Variants in ZNF208 observed in about 807,000 individuals in gnomAD.
ZNF208 encodes zinc finger protein 95.
A neutral mutation model predicts 12.1 loss-of-function variants in ZNF208; 10 were observed. The ratio of observed to expected loss-of-function variants is 0.83; its 90% confidence interval spans 0.51 to 1.40. The LOEUF is 1.40. ZNF208 is among the 40% of genes most tolerant of loss of function. ZNF208 has a pLI of 0.00. For synonymous variants in ZNF208, 497 were observed against 488.4 expected (o/e 1.02, Z -0.23); for missense variants, 1,652 against 1,485.0 (o/e 1.11, Z -1.85).
At chr19:21,962,566 T>C (rs1970091415), downstream of ZNF208, among the ~76,000 whole-genome samples, 1 of 152,128 alleles carries the variant, frequency 6.6e-6, no homozygotes, top group Non-Finnish European at 1.5e-5. Context: ...TCTATCTGCA[T>C]TCTCTTTCTT....
At position 21,974,781 on chromosome 19, in the gene ZNF208, G is replaced by C. The variant is rs1970397796; in HGVS notation, c.253C>G (p.Leu85Val). ...TCTTCTATGCCCTGCTCTGGCCAAA[G>C]ATCTTGAGCAAAATGAGAACATATA... ...PVICSHFAQD[L>V]WPEQGIEDSF... The change falls in exon 4 of 4, where the codon CTT becomes GTT. Residue 85 changes from leucine (L) to valine (V), a missense_variant. Transcript: ENST00000397126. 2 of 1,570,230 alleles carry C rather than the reference G, an allele frequency of 1.3e-6. No individual in the cohort carries two copies.
chr19:22,003,506 C>CA (rs35616569), intron 1 of ZNF208, among the ~76,000 whole-genome samples: 87,285 of 147,766 alleles, frequency 0.59, 25,897 homozygotes, highest in East Asian at 0.68. Flanking sequence ...AAAAGAAGAC[C>CA]AAAAAAAAAC....
chr19:21,969,167 T>C lies in ZNF208; in HGVS notation c.*2024A>G, dbSNP rs918888260. ...TTTTAGTAAACATGTTTAGTAAACA[T>C]TTCTTTTTAGTTCCACTATGTTGGC... On this transcript the variant is annotated 3_prime_UTR_variant, in exon 4 of 4. Transcript: ENST00000397126. 6.6e-6 allele frequency among the ~76,000 whole-genome samples: 1 copy of C among 152,158 alleles called. No homozygotes were observed. Among genetic ancestry groups the C allele is most frequent in the Non-Finnish European group, 1.5e-5 (1 of 68,020 alleles).
intron 3 of ZNF208, chr19:21,986,702 A>G (rs1970633401): frequency 4.5e-6 from 1 of 219,920 alleles, no homozygotes; most frequent in Non-Finnish European, 8.8e-6. Flanking sequence ...AATCTTGAAG[A>G]AAAAGAAAAA....
rs746877482 is a variant in ZNF208 at position 21,974,647 on chromosome 19, A to G, written c.387T>C (p.Gly129=). Residue 129 remains glycine (G), a synonymous_variant, in exon 4 of 4, where the codon GGT becomes GGC. Transcript: ENST00000397126. ...TCAAACTCTGGTTAAGTTTATTATA[A>G]CCTTCTTTGTGCACCTTACACTCAT... The part of the protein sequence containing the change: ...NVDECKVHKE[G]YNKLNQSLTT... 12 of 1,613,708 alleles carry G rather than the reference A, an allele frequency of 7.4e-6. No homozygotes were observed. Among genetic ancestry groups the G allele is most frequent in the Non-Finnish European group, 4.2e-6 (5 of 1,179,774 alleles).
chr19:21,972,120 G>C lies in ZNF208; in HGVS notation c.2914C>G (p.Pro972Ala). The C allele has an allele frequency of 6.2e-7, 1 of 1,609,804 alleles. No individual in the cohort carries two copies. Among genetic ancestry groups the C allele is most frequent in the Non-Finnish European group, 8.5e-7 (1 of 1,177,472 alleles). The change falls in exon 4 of 4, where the codon CCT becomes GCT. Residue 972 changes from proline to alanine, a missense_variant. Pro to Ala is a conservative substitution (Grantham distance 27). Coordinates refer to ENST00000397126, the MANE Select transcript of ZNF208 (RefSeq NM_007153.3). ...TTGCCACATTCTTCATATTTGTAAG[G>C]TTTCTCTTCAGTATGAATTTTCTTA... ...YHKKIHTEEKPYKYEECGKGF... is the reference protein window; with the variant it reads ...YHKKIHTEEKAYKYEECGKGF...
intron 4 of ZNF208, among the ~76,000 whole-genome samples, chr19:21,946,177 T>TA (rs1969813387): frequency 6.6e-6 from 1 of 152,218 alleles, no homozygotes; most frequent in Admixed American, 6.5e-5. Flanking sequence ...TTTTCTTTTT[T>TA]AACTGTGAGT....
chr19:21,986,218 CAAAT>C (rs1057063469), intron 3 of ZNF208, among the ~76,000 whole-genome samples: 15 of 151,958 alleles, frequency 9.9e-5, no homozygotes, highest in African/African-American at 2.7e-4. Flanking sequence ...AAATTGAAGA[CAAAT>C]AAGTAAAACA....
intron 4 of ZNF208, chr19:21,941,322 AAG>A: frequency 2.5e-6 from 1 of 398,852 alleles, no homozygotes; most frequent in Non-Finnish European, 4.4e-6. Flanking sequence ...TCATGATAGA[AAG>A]AGTTGATGAG....
In ZNF208 at chr19:21,974,549, C is replaced by G; in HGVS notation, c.485G>C (p.Arg162Thr). The change falls in exon 4 of 4, where the codon AGA becomes ACA. Residue 162 changes from arginine to threonine, a missense_variant. Around this residue, in one of 3 missense-constraint regions of ZNF208, gnomAD observed 410 missense variants for 378.2 expected, o/e 1.08. Transcript: ENST00000397126. ...NVFHKCSNSNRHKIRHTGKKH... is the reference protein window; with the variant it reads ...NVFHKCSNSNTHKIRHTGKKH... Reference sequence around the variant, plus strand: ...CTTTCCAGTATGCCTTATCTTATGTCTGTTTGAATTTGAACATTTATGAAA... The same window carrying G: ...CTTTCCAGTATGCCTTATCTTATGTGTGTTTGAATTTGAACATTTATGAAA... 6.2e-7 allele frequency: 1 copy of G among 1,613,588 alleles called. No individual in the cohort carries two copies. The highest frequency in any genetic ancestry group is 8.5e-7 in the Non-Finnish European group (1 of 1,179,690).
In ZNF208 at chr19:21,973,256, G is replaced by A. The variant is rs1207183307; in HGVS notation, c.1778C>T (p.Ser593Phe). 1.9e-6 allele frequency: 3 copies of A among 1,612,092 alleles called. No homozygotes were observed. Among genetic ancestry groups the A allele is most frequent in the Non-Finnish European group, 2.5e-6 (3 of 1,179,604 alleles). ...TCTCTTATGTTTAATAAGAATTGCA[G>A]ATTGGTTAAAAGCTTTGCCACATTC... ...CEECGKAFNQ[S>F]AILIKHKRIH... The change falls in exon 4 of 4, where the codon TCT becomes TTT. Residue 593 changes from serine to phenylalanine, a missense_variant. Transcript: ENST00000397126.
In ZNF208 at chr19:21,973,849, T is replaced by C. The variant is rs1400268676; in HGVS notation, c.1185A>G (p.Lys395=). Residue 395 remains lysine (K), a synonymous_variant, in exon 4 of 4, where the codon AAA becomes AAG. Transcript: ENST00000397126. The part of the protein sequence containing the change: ...SYHKKIHTGE[K]PYKCEECGKG... Reference sequence around the variant, plus strand: ...TGCCACATTCTTCACATTTGTAGGGTTTCTCTCCAGTATGAATTTTCTTAT... The same window carrying C: ...TGCCACATTCTTCACATTTGTAGGGCTTCTCTCCAGTATGAATTTTCTTAT... The C allele has an allele frequency of 3.1e-6, 5 of 1,613,052 alleles. No homozygotes were observed. Among genetic ancestry groups the C allele is most frequent in the Non-Finnish European group, 4.2e-6 (5 of 1,179,804 alleles).
chr19:21,950,174 A>G (rs1969868909), intron 4 of ZNF208, among the ~76,000 whole-genome samples: 1 of 152,218 alleles, frequency 6.6e-6, no homozygotes, highest in Non-Finnish European at 1.5e-5. Flanking sequence ...CTATAAGTAT[A>G]TTCAGAAAGC....
At position 21,973,220 on chromosome 19, in the gene ZNF208, C is replaced by G; in HGVS notation, c.1814G>C (p.Gly605Ala). 6.2e-7 allele frequency: 1 copy of G among 1,613,386 alleles called. No individual in the cohort carries two copies. The highest frequency in any genetic ancestry group is 8.5e-7 in the Non-Finnish European group (1 of 1,179,852). ...ILIKHKRIHTGEKPYKCEECG... is the reference protein window; with the variant it reads ...ILIKHKRIHTAEKPYKCEECG... ...TTCTTCACATTTGTAGGGTTTCTCA[C>G]CAGTATGAATTCTCTTATGTTTAAT... Residue 605 changes from glycine to alanine, a missense_variant, in exon 4 of 4, where the codon GGT becomes GCT. Physicochemically the swap from Gly to Ala is moderately conservative, Grantham distance 60. Around this residue, in one of 3 missense-constraint regions of ZNF208, gnomAD observed 1,239 missense variants for 1,086.2 expected, o/e 1.14. Transcript: ENST00000397126.
At chr19:21,952,225 A>G (rs1969900819) in intron 4 of ZNF208, among the ~76,000 whole-genome samples, 1 of 152,268 alleles carries the variant, frequency 6.6e-6, no homozygotes, top group East Asian at 1.9e-4. Context: ...AGCAAGGCAT[A>G]GCTGAACAAA....
At chr19:21,994,957 T>A (rs1227247399) in intron 1 of ZNF208, among the ~76,000 whole-genome samples, 1 of 150,452 alleles carries the variant, frequency 6.6e-6, no homozygotes, top group Non-Finnish European at 1.5e-5. Flanking sequence ...TTCTTTTCTT[T>A]TTTTTTTTTT....
At chr19:21,955,746 T>C (rs1165513102) in intron 4 of ZNF208, among the ~76,000 whole-genome samples, 2 of 152,162 alleles carry the variant, frequency 1.3e-5, no homozygotes, top group Non-Finnish European at 2.9e-5. Context: ...TTTTTCAAGG[T>C]TTTCAGCTTC....
At chr19:22,000,291 T>C (rs550750469) in intron 1 of ZNF208, among the ~76,000 whole-genome samples, 1 of 152,230 alleles carries the variant, frequency 6.6e-6, no homozygotes, top group East Asian at 1.9e-4. Flanking sequence ...TACTCTAAAA[T>C]TGACCACACA....
downstream of ZNF208, chr19:21,965,753 A>G (rs536589969): frequency 1.3e-5 from 2 of 151,876 alleles, no homozygotes; most frequent in South Asian, 4.1e-4. Context: ...CTAATTCAGT[A>G]ATTTAGCATA....
Sources: allele counts gnomAD v4.1 joint callset (sites outside exome capture counted in the v4.1 genomes callset), GRCh38; gene constraint gnomAD v4.1.1; regional missense constraint gnomAD v4.1.1; transcripts MANE v1.5; gene names NCBI Gene and HGNC (gene_info 2026-07-23, HGNC 2026-07-21).